Variants in AGPAT5 observed in about 807,000 individuals in gnomAD.
The protein encoded by AGPAT5 is 1-acylglycerol-3-phosphate O-acyltransferase 5.
AGPAT5 carries 46 observed loss-of-function variants against 45.6 expected under a neutral mutation model. The ratio of observed to expected loss-of-function variants is 1.01; its 90% CI spans 0.80 to 1.29. The LOEUF (loss-of-function observed/expected upper bound fraction) is 1.29. Among genes scored for constraint, AGPAT5 ranks in the 50% most tolerant of loss-of-function variants. The pLI, the probability that AGPAT5 is intolerant of heterozygous loss-of-function variation, is 0.00. For synonymous variants in AGPAT5, 272 were observed against 167.0 expected (o/e 1.63, Z -4.85); for missense variants, 673 against 450.7 (o/e 1.49, Z -4.47).
At chr8:6,751,447 C>T (rs1232189423) in intron 6 of AGPAT5, among the ~76,000 whole-genome samples, 2 of 152,224 alleles carry the variant, frequency 1.3e-5, no homozygotes, top group Non-Finnish European at 2.9e-5. Context: ...TACCAGGACG[C>T]TCTGCAGGTG....
In AGPAT5 at chr8:6,758,385, T is replaced by C. The variant is rs1272155856; in HGVS notation, c.*997T>C. On this transcript the variant is annotated 3_prime_UTR_variant, in exon 8 of 8. Transcript: ENST00000285518. Reference sequence around the variant, plus strand: ...CAGAAGTCGCGTTTCTGTAGTGTGGTGGATTCCCACTGGGCTCTGGTCCTT... The same window carrying C: ...CAGAAGTCGCGTTTCTGTAGTGTGGCGGATTCCCACTGGGCTCTGGTCCTT... The C allele has an allele frequency of 6.5e-6, 1 of 152,696 alleles. No individual in the cohort carries two copies. The highest frequency in any genetic ancestry group is 1.9e-4 in the East Asian group (1 of 5,200). 9.5% of individuals were successfully genotyped at this position (152,696 alleles called of 1,614,324 possible).
intron 1 of AGPAT5, among the ~76,000 whole-genome samples, chr8:6,710,288 C>G (rs1402936886): frequency 2.0e-5 from 3 of 152,062 alleles, no homozygotes; most frequent in Admixed American, 6.5e-5. Context: ...CATACCTTAC[C>G]TGATGTTCAG....
chr8:6,711,462 C>G (rs1002985971), intron 1 of AGPAT5, among the ~76,000 whole-genome samples: 8 of 152,190 alleles, frequency 5.3e-5, no homozygotes, highest in African/African-American at 1.9e-4. Flanking sequence ...TGGGTACTTT[C>G]TTCACCATTT....
intron 4 of AGPAT5, among the ~76,000 whole-genome samples, 172 bp downstream of exon 4, chr8:6,732,822 G>C (rs1030753494): frequency 6.6e-6 from 1 of 152,190 alleles, no homozygotes; most frequent in African/African-American, 2.4e-5. Context: ...AGGTTTTTCA[G>C]CCATCAGAAA....
chr8:6,731,045 T>G (rs1800845551), intron 3 of AGPAT5, among the ~76,000 whole-genome samples: 1 of 151,894 alleles, frequency 6.6e-6, no homozygotes, highest in Non-Finnish European at 1.5e-5. Flanking sequence ...AATTTTCTAT[T>G]TTTTGTAGAG....
At chr8:6,748,586 C>T (rs1325154768) in intron 6 of AGPAT5, among the ~76,000 whole-genome samples, 1 of 152,134 alleles carries the variant, frequency 6.6e-6, no homozygotes, top group East Asian at 1.9e-4. Context: ...CTCACTGCAA[C>T]CTCCGCCTCC....
chr8:6,730,874 T>TG (rs569043556), intron 3 of AGPAT5, 48 bp downstream of exon 3: 1 of 1,202,980 alleles, frequency 8.3e-7, no homozygotes, highest in East Asian at 2.7e-5. Context: ...TTTATAAATT[T>TG]TTTTTTTTTT....
At position 6,717,723 on chromosome 8, in the gene AGPAT5, C is replaced by G. The variant is rs545897553; in HGVS notation, c.220-7147C>G. Among the ~76,000 whole-genome samples, 11 of 152,288 alleles carry G rather than the reference C, an allele frequency of 7.2e-5. 1 individual carries two copies. In the South Asian group the frequency reaches 2.3e-3, roughly 32 times the overall value. On this transcript the variant is annotated intron_variant, in intron 1 of 7. Transcript: ENST00000285518. ...GTAGTTAACGCCAGCTCTTGGTGCA[C>G]TTACATATTGCATTGCTTCCGGGCT...
At position 6,709,811 on chromosome 8, in the gene AGPAT5, A is replaced by C. The variant is rs558788615; in HGVS notation, c.219+924A>C. On this transcript the variant is annotated intron_variant, in intron 1 of 7. Coordinates refer to ENST00000285518, the MANE Select transcript of AGPAT5 (RefSeq NM_018361.5). The stretch of plus-strand genomic sequence containing the variant: ...CAGTTGCACTGCTGATCGACCCTTG[A>C]TGGCCCCAGTTGGAAGTTGTTTGGG... Among the ~76,000 whole-genome samples, 13 of 152,020 alleles carry C rather than the reference A, an allele frequency of 8.6e-5. No individual in the cohort carries two copies. The South Asian group carries it at 2.7e-3, about 32-fold the overall frequency.
Position 6,730,520 on chromosome 8 carries a change from C to T in AGPAT5, c.290-191C>T, listed in dbSNP as rs1450184819. ...TAATTTTTTGTATTTTTAGTAGAGACGGGGTTTCACCGTGTTAGCCAGGAT... is the reference window on the plus strand; with the variant it reads ...TAATTTTTTGTATTTTTAGTAGAGATGGGGTTTCACCGTGTTAGCCAGGAT... On this transcript the variant is annotated intron_variant, in intron 2 of 7. Coordinates refer to ENST00000285518, the MANE Select transcript of AGPAT5 (RefSeq NM_018361.5). 9.8e-5 allele frequency among the ~76,000 whole-genome samples: 5 copies of T among 50,898 alleles called. 2 individuals carry two copies. Among genetic ancestry groups the T allele is most frequent in the Non-Finnish European group, 1.5e-4 (5 of 32,742 alleles). 33.4% of individuals were successfully genotyped at this position (50,898 alleles called of 152,430 possible). A position where few individuals can be genotyped will look rare whatever the true frequency, so the allele number is the denominator to read the frequency against.
intron 4 of AGPAT5, among the ~76,000 whole-genome samples, chr8:6,741,198 C>T (rs1405542858): frequency 1.3e-5 from 2 of 151,982 alleles, no homozygotes; most frequent in African/African-American, 4.8e-5. Flanking sequence ...ACATTTAGAA[C>T]GTTTCACATG....
At chr8:6,710,991 T>C (rs1800137995) in intron 1 of AGPAT5, among the ~76,000 whole-genome samples, 1 of 152,176 alleles carries the variant, frequency 6.6e-6, no homozygotes, top group South Asian at 2.1e-4. Flanking sequence ...AAAGTATTGT[T>C]GACTCATTTC....
intron 1 of AGPAT5, among the ~76,000 whole-genome samples, chr8:6,714,478 A>G (rs1038558907): frequency 6.6e-6 from 1 of 152,264 alleles, no homozygotes; most frequent in South Asian, 2.1e-4. Flanking sequence ...CTTTATAAAT[A>G]TAAACCTCTG....
At chr8:6,732,294 G>C (rs1228169270) in intron 3 of AGPAT5, among the ~76,000 whole-genome samples, 1 of 152,160 alleles carries the variant, frequency 6.6e-6, no homozygotes, top group Non-Finnish European at 1.5e-5. Flanking sequence ...AAGAAAGAAA[G>C]CATTTTCATT....
In AGPAT5 at chr8:6,760,523, T is replaced by G. The variant is rs1802001677; in HGVS notation, c.*3135T>G. On this transcript the variant is annotated 3_prime_UTR_variant, in exon 8 of 8. Coordinates refer to ENST00000285518, the MANE Select transcript of AGPAT5 (RefSeq NM_018361.5). ...ATGTCTACCAAAGCAGTATTTTGTG[T>G]GTATAATTGCAAGCGCATAGTAAAA... Among the ~76,000 whole-genome samples, 2 of 152,234 alleles carry G rather than the reference T, an allele frequency of 1.3e-5. No homozygotes were observed. Among genetic ancestry groups the G allele is most frequent in the Non-Finnish European group, 2.9e-5 (2 of 68,036 alleles).
rs979749834 is a variant in AGPAT5 at position 6,760,086 on chromosome 8, C to G, written c.*2698C>G. On this transcript the variant is annotated 3_prime_UTR_variant, in exon 8 of 8. Transcript: ENST00000285518. ...TTTTGCTTAATATGGGTTACATAAG[C>G]TTTATTTTTTCCTTTGTTCATAATT... Among the ~76,000 whole-genome samples, 1 of 152,070 alleles carries G rather than the reference C, an allele frequency of 6.6e-6. No individual in the cohort carries two copies. The highest frequency in any genetic ancestry group is 1.5e-5 in the Non-Finnish European group (1 of 68,036).
Position 6,708,843 on chromosome 8 carries a change from C to G in AGPAT5, c.175C>G (p.Gln59Glu). The G allele has an allele frequency of 6.2e-7, 1 of 1,611,482 alleles. No individual in the cohort carries two copies. Among genetic ancestry groups the G allele is most frequent in the Non-Finnish European group, 8.5e-7 (1 of 1,179,536 alleles). Reference protein sequence around the residue: ...ALDDRLYCVYQSMVLFFFENY... With the variant: ...ALDDRLYCVYESMVLFFFENY... The stretch of plus-strand genomic sequence containing the variant: ...GGACGACCGGCTCTACTGCGTCTAC[C>G]AGAGCATGGTGCTCTTCTTCTTCGA... Residue 59 changes from glutamine (Q) to glutamate (E), a missense_variant, in exon 1 of 8, where the codon CAG becomes GAG. Gln to Glu is a conservative substitution (Grantham distance 29, BLOSUM62 2). Transcript: ENST00000285518.
chr8:6,749,573 T>G (rs1314986809), intron 6 of AGPAT5, among the ~76,000 whole-genome samples: 1 of 152,224 alleles, frequency 6.6e-6, no homozygotes, highest in African/African-American at 2.4e-5. Flanking sequence ...TAATTTGTTG[T>G]GCGTTGTATG....
intron 2 of AGPAT5, among the ~76,000 whole-genome samples, chr8:6,725,487 T>C (rs1207979939): frequency 6.6e-6 from 1 of 152,224 alleles, no homozygotes; most frequent in African/African-American, 2.4e-5. Flanking sequence ...TAGGTGAAGA[T>C]ACTTCTAAAA....
Sources: gnomAD v4.1 joint callset for allele counts (sites outside exome capture counted in the v4.1 genomes callset) on GRCh38, gnomAD v4.1.1 for gene constraint, MANE v1.5 for transcripts, NCBI Gene and HGNC (gene_info 2026-07-23, HGNC 2026-07-21) for gene names.